Variants in ANKFN1 observed in about 807,000 individuals in gnomAD.
ANKFN1 encodes the protein ankyrin repeat and fibronectin type III domain containing 1.
Under a neutral mutation model 108.7 loss-of-function variants are expected in ANKFN1, and 74 were observed. That is an observed-to-expected ratio of 0.68 (90% confidence interval 0.56 to 0.83). The LOEUF is 0.83. Ranked by LOEUF, ANKFN1 falls within the 40% of genes least tolerant of loss-of-function variation. ANKFN1 has a pLI of 0.00. For missense variants in ANKFN1, 1,505 were observed against 1,382.3 expected, an observed-to-expected ratio of 1.09 and a Z score of -1.41; for synonymous variants, 547 against 516.2, an observed-to-expected ratio of 1.06 and a Z score of -0.81.
At chr17:56,179,488 G>C (rs970856853) in intron 1 of ANKFN1, among the ~76,000 whole-genome samples, 1 of 152,136 alleles carries the variant, frequency 6.6e-6, no homozygotes, top group East Asian at 1.9e-4. Flanking sequence ...AGTGCTAGAG[G>C]GGGGATAAAA....
chr17:56,495,252 T>G (rs1207297101), intron 19 of ANKFN1, among the ~76,000 whole-genome samples: 1 of 152,172 alleles, frequency 6.6e-6, no homozygotes, highest in East Asian at 1.9e-4. Context: ...TCTCCCAACA[T>G]GGATAACTTC....
chr17:56,265,341 C>A (rs537176136), intron 3 of ANKFN1, among the ~76,000 whole-genome samples: 26 of 152,072 alleles, frequency 1.7e-4, no homozygotes, highest in African/African-American at 6.3e-4. Flanking sequence ...AGGTATCAGG[C>A]GAGAAAGAGA....
intron 6 of ANKFN1, among the ~76,000 whole-genome samples, chr17:56,361,844 C>G (rs1036954358): frequency 1.2e-4 from 19 of 152,116 alleles, no homozygotes; most frequent in Admixed American, 5.2e-4. Context: ...TATGGCTACT[C>G]TATGACATGG....
intron 4 of ANKFN1, among the ~76,000 whole-genome samples, chr17:56,065,045 C>T (rs1337570761): frequency 6.6e-6 from 1 of 152,152 alleles, no homozygotes; most frequent in Non-Finnish European, 1.5e-5. Flanking sequence ...ACAGCAGCTG[C>T]CTAGTCAGTT....
intron 1 of ANKFN1, among the ~76,000 whole-genome samples, chr17:56,188,595 A>ATG (rs1912536914): frequency 8.0e-6 from 1 of 125,742 alleles, no homozygotes; most frequent in African/African-American, 3.5e-5. Context: ...ATATATATAT[A>ATG]TATATATATA....
intron 4 of ANKFN1, among the ~76,000 whole-genome samples, chr17:56,140,227 C>A (rs1166663326): frequency 6.6e-6 from 1 of 152,054 alleles, no homozygotes; most frequent in Non-Finnish European, 1.5e-5. Context: ...TTTCCATAAC[C>A]TTTTTTTTCA....
Position 56,510,493 on chromosome 17 carries a change from G to A in ANKFN1, c.2665G>A (p.Glu889Lys). ...CGCAGATTCACAGCCCTGCTCTGAT[G>A]AAGAAGCCTGCTCAGAAGTCTTCCT... ...TVSDSQPCSDEEACSEVFLPT... is the reference protein window; with the variant it reads ...TVSDSQPCSDKEACSEVFLPT... Residue 889 changes from glutamate (E) to lysine (K), a missense_variant, in exon 21 of 21, where the codon GAA becomes AAA. Coordinates refer to ENST00000682825, the MANE Select transcript of ANKFN1 (RefSeq NM_001370326.1). 6.5e-7 allele frequency: 1 copy of A among 1,536,114 alleles called. No homozygotes were observed. Among genetic ancestry groups the A allele is most frequent in the Non-Finnish European group, 8.7e-7 (1 of 1,146,904 alleles).
chr17:56,213,325 G>A (rs1015464071), intron 2 of ANKFN1, among the ~76,000 whole-genome samples: 1 of 152,182 alleles, frequency 6.6e-6, no homozygotes, highest in Admixed American at 6.5e-5. Context: ...CCCGGTCTCT[G>A]TGCACACGAG....
At chr17:56,116,568 C>T (rs1172950459) in intron 4 of ANKFN1, among the ~76,000 whole-genome samples, 1 of 152,052 alleles carries the variant, frequency 6.6e-6, no homozygotes, top group African/African-American at 2.4e-5. Flanking sequence ...TTGAAAAAAG[C>T]CTGGCACCTC....
chr17:56,209,531 G>A (rs1279447316), intron 1 of ANKFN1, among the ~76,000 whole-genome samples: 1 of 152,180 alleles, frequency 6.6e-6, no homozygotes, highest in Non-Finnish European at 1.5e-5. Flanking sequence ...AATGCCTGAA[G>A]ATAACAAACC....
chr17:56,227,816 C>CTT, intron 2 of ANKFN1, 101 bp from the exon 3 acceptor site: 30 of 815,734 alleles, frequency 3.7e-5, no homozygotes, highest in Non-Finnish European at 4.5e-5. Context: ...GCTTCTCTCT[C>CTT]TTTTTTTTTT....
chr17:56,081,090 G>C (rs1905240093), intron 4 of ANKFN1, among the ~76,000 whole-genome samples: 1 of 152,130 alleles, frequency 6.6e-6, no homozygotes, highest in Admixed American at 6.5e-5. Context: ...GGTCTATCTT[G>C]TTACTAGTGG....
At chr17:56,329,338 A>G (rs1285969343) in intron 4 of ANKFN1, among the ~76,000 whole-genome samples, 1 of 152,058 alleles carries the variant, frequency 6.6e-6, no homozygotes, top group African/African-American at 2.4e-5. Flanking sequence ...TCCCATCTCT[A>G]TATCCTAAGC....
At chr17:56,296,321 C>G (rs2044509040) in intron 3 of ANKFN1, among the ~76,000 whole-genome samples, 1 of 152,038 alleles carries the variant, frequency 6.6e-6, no homozygotes, top group East Asian at 1.9e-4. Context: ...AACATTTGGC[C>G]TTTGGCATTT....
chr17:56,435,834 C>T (rs1370133147), intron 8 of ANKFN1, among the ~76,000 whole-genome samples: 1 of 151,978 alleles, frequency 6.6e-6, no homozygotes, highest in East Asian at 1.9e-4. Flanking sequence ...ATAGTTTCAC[C>T]TCTCCAAAAG....
At chr17:56,467,749 A>G (rs2050130068) in intron 15 of ANKFN1, among the ~76,000 whole-genome samples, 1 of 29,808 alleles carries the variant, frequency 3.4e-5, no homozygotes, top group Non-Finnish European at 6.1e-5. Flanking sequence ...GAAACAAAGA[A>G]AGAAAGAAAG....
chr17:56,211,986 C>T (rs1915052492), intron 1 of ANKFN1, among the ~76,000 whole-genome samples: 1 of 151,996 alleles, frequency 6.6e-6, no homozygotes, highest in African/African-American at 2.4e-5. Context: ...CTTACCAGTT[C>T]TAGGAGCTTT....
intron 4 of ANKFN1, among the ~76,000 whole-genome samples, chr17:56,072,896 G>A (rs952968076): frequency 2.6e-5 from 4 of 152,198 alleles, no homozygotes; most frequent in Non-Finnish European, 2.9e-5. Context: ...ATTCCCAAAT[G>A]TATCCTGGCC....
chr17:56,321,278 G>A (rs566156122), intron 3 of ANKFN1, among the ~76,000 whole-genome samples: 16 of 151,734 alleles, frequency 1.1e-4, no homozygotes, highest in Admixed American at 5.3e-4. Flanking sequence ...AGCAGCTTTC[G>A]GTAAGTAGCA....
Sources: allele counts gnomAD v4.1 joint callset (sites outside exome capture counted in the v4.1 genomes callset), GRCh38; gene constraint gnomAD v4.1.1; transcripts MANE v1.5; gene names NCBI Gene and HGNC (gene_info 2026-07-23, HGNC 2026-07-21).